Variants in GPC5 observed in about 807,000 individuals in gnomAD.
GPC5 encodes glypican 5.
Under a neutral mutation model 53.9 loss-of-function variants are expected in GPC5, and 47 were observed. That is an observed-to-expected ratio of 0.87 (90% CI 0.69 to 1.11). GPC5 has a LOEUF of 1.11. GPC5 is among the 50% of genes most tolerant of loss of function. GPC5 has a pLI of 0.00. For synonymous variants in GPC5, 286 were observed against 263.3 expected, an observed-to-expected ratio of 1.09 and a Z score of -0.84; for missense variants, 748 against 713.1, an observed-to-expected ratio of 1.05 and a Z score of -0.56.
intron 6 of GPC5, among the ~76,000 whole-genome samples, chr13:92,070,926 T>C (rs1378561476): frequency 1.3e-5 from 2 of 152,214 alleles, no homozygotes; most frequent in East Asian, 3.8e-4. Context: ...AAACACATTA[T>C]AGAACTTTAC....
chr13:91,616,412 A>G, intron 2 of GPC5, among the ~76,000 whole-genome samples: 1 of 152,132 alleles, frequency 6.6e-6, no homozygotes, highest in East Asian at 1.9e-4. Context: ...ATGTCTATGA[A>G]CTATGGGTTG....
Position 92,027,348 on chromosome 13 carries a change from A to C in GPC5, c.1402-117482A>C, listed in dbSNP as rs1162822569. 5.9e-5 allele frequency among the ~76,000 whole-genome samples: 9 copies of C among 152,268 alleles called. No individual in the cohort carries two copies. In the East Asian group the frequency reaches 1.5e-3, roughly 26 times the overall value. On this transcript the variant is annotated intron_variant, in intron 6 of 7. Coordinates refer to ENST00000377067, the MANE Select transcript of GPC5 (RefSeq NM_004466.6). The stretch of plus-strand genomic sequence containing the variant: ...ATAGGTTCTTGGAAACTGTGACTTT[A>C]AGCAAAGTGATGTAAAACAAAACCA...
intron 7 of GPC5, among the ~76,000 whole-genome samples, chr13:92,584,701 T>A (rs943651032): frequency 6.6e-6 from 1 of 152,164 alleles, no homozygotes; most frequent in African/African-American, 2.4e-5. Context: ...GAGGTCTTCA[T>A]GGCAGCCCTT....
rs1243934369 is a variant in GPC5 at position 92,663,936 on chromosome 13, G to C, written c.1562-202346G>C. On this transcript the variant is annotated intron_variant, in intron 7 of 7. Transcript: ENST00000377067. ...CACACACAAAAATTAGCTCGGCATG[G>C]TGCTGCACGCCTGTAGTCCCAGCTA... is the stretch of plus-strand genomic sequence containing the variant. 9.3e-5 allele frequency among the ~76,000 whole-genome samples: 13 copies of C among 140,342 alleles called. 1 individual carries two copies. The South Asian group carries it at 2.7e-3, about 29-fold the overall frequency. The allele number at this position is 140,342 out of a possible 152,430, so 92.1% of individuals were successfully genotyped here.
intron 7 of GPC5, among the ~76,000 whole-genome samples, chr13:92,233,610 A>G (rs75868944): frequency 0.01 from 1,591 of 152,264 alleles, 18 homozygotes; most frequent in South Asian, 0.039. Context: ...TTATTCTTTC[A>G]TTACCATTAT....
In GPC5 at chr13:92,554,503, A is replaced by G. The variant is rs895561197; in HGVS notation, c.1562-311779A>G. ...TTAACCCAACAAGCTAGAGATTAAA[A>G]AAAACATAATAATCCAATATAATTA... On this transcript the variant is annotated intron_variant, in intron 7 of 7. Transcript: ENST00000377067. Among the ~76,000 whole-genome samples the G allele has an allele frequency of 1.1e-4, 17 of 151,858 alleles. No homozygotes were observed. In the East Asian group the frequency reaches 1.9e-3, roughly 17 times the overall value.
At chr13:92,227,309 A>T (rs2042495028) in intron 7 of GPC5, among the ~76,000 whole-genome samples, 1 of 152,172 alleles carries the variant, frequency 6.6e-6, no homozygotes, top group South Asian at 2.1e-4. Flanking sequence ...ACGCAAACAA[A>T]AAAACAGCCA....
intron 2 of GPC5, among the ~76,000 whole-genome samples, chr13:91,563,381 A>C (rs1046186109): frequency 1.3e-5 from 2 of 152,208 alleles, no homozygotes; most frequent in African/African-American, 4.8e-5. Flanking sequence ...CAATTAAAAA[A>C]AATTCTGAAT....
At chr13:92,082,317 C>T (rs148929900) in intron 6 of GPC5, among the ~76,000 whole-genome samples, 1,600 of 152,100 alleles carry the variant, frequency 0.011, 14 homozygotes, top group Middle Eastern at 0.017. Flanking sequence ...GGGCACAACC[C>T]CAAAACTTAA....
intron 2 of GPC5, among the ~76,000 whole-genome samples, chr13:91,660,826 CCTT>C (rs757746793): frequency 5.9e-5 from 9 of 152,064 alleles, no homozygotes; most frequent in Non-Finnish European, 1.3e-4. Flanking sequence ...ACCTTCTCCT[CCTT>C]CTCTATTATT....
chr13:91,674,422 C>T (rs1171430227), intron 2 of GPC5, among the ~76,000 whole-genome samples: 1 of 147,438 alleles, frequency 6.8e-6, no homozygotes, highest in African/African-American at 2.6e-5. Context: ...TACACACACA[C>T]ATATATATAC....
intron 5 of GPC5, among the ~76,000 whole-genome samples, chr13:91,812,267 A>C (rs2038324420): frequency 6.6e-6 from 1 of 152,224 alleles, no homozygotes; most frequent in African/African-American, 2.4e-5. Flanking sequence ...TCTATTTCTT[A>C]GAACTGTTAA....
chr13:92,848,060 G>C (rs2138841013), intron 7 of GPC5, among the ~76,000 whole-genome samples: 1 of 152,292 alleles, frequency 6.6e-6, no homozygotes, highest in South Asian at 2.1e-4. Context: ...AGAGTCAGGA[G>C]GCTGGCATGT....
intron 7 of GPC5, among the ~76,000 whole-genome samples, chr13:92,231,083 C>G (rs1016481165): frequency 6.6e-6 from 1 of 152,092 alleles, no homozygotes; most frequent in Admixed American, 6.6e-5. Context: ...TGTCAAATAT[C>G]AGCTTCTTAT....
intron 2 of GPC5, among the ~76,000 whole-genome samples, chr13:91,673,022 T>A (rs542139882): frequency 5.1e-4 from 77 of 151,386 alleles, no homozygotes; most frequent in African/African-American, 1.6e-3. Context: ...TAAGTGGGAG[T>A]TGAACAATGA....
chr13:92,313,011 T>C (rs1314362468), intron 7 of GPC5, among the ~76,000 whole-genome samples: 1 of 152,170 alleles, frequency 6.6e-6, no homozygotes, highest in Non-Finnish European at 1.5e-5. Context: ...GTAATTCACA[T>C]ATTAATGTGG....
intron 7 of GPC5, among the ~76,000 whole-genome samples, chr13:92,432,836 C>G (rs1877152236): frequency 6.6e-6 from 1 of 152,016 alleles, no homozygotes; most frequent in Admixed American, 6.6e-5. Context: ...AGTTGGGTTT[C>G]TTTTCCTTTT....
chr13:91,974,080 A>T (rs952727628), intron 6 of GPC5, among the ~76,000 whole-genome samples: 1 of 152,134 alleles, frequency 6.6e-6, no homozygotes, highest in Non-Finnish European at 1.5e-5. Context: ...CCTCCCCCAG[A>T]GGTGGAATCT....
chr13:91,664,974 C>T (rs1253213606), intron 2 of GPC5, among the ~76,000 whole-genome samples: 2 of 152,214 alleles, frequency 1.3e-5, no homozygotes, highest in African/African-American at 2.4e-5. Context: ...TTGATTGAAC[C>T]ATCAGAAGAA....
Sources: gnomAD v4.1 joint callset for allele counts (sites outside exome capture counted in the v4.1 genomes callset) on GRCh38, gnomAD v4.1.1 for gene constraint, MANE v1.5 for transcripts, NCBI Gene and HGNC (gene_info 2026-07-23, HGNC 2026-07-21) for gene names.